The following BBX variants were observed in gnomAD, a reference collection of about 807,000 sequenced individuals.
The protein encoded by BBX is BBX high mobility group box domain containing, also known as HMG box transcription factor BBX.
Under a neutral mutation model 100.2 loss-of-function variants are expected in BBX, and 30 were observed. The observed-to-expected ratio is 0.30, with a 90% CI of 0.22 to 0.41. The LOEUF (loss-of-function observed/expected upper bound fraction) is 0.41. Among genes scored for constraint, BBX ranks in the 10% least tolerant of loss-of-function variants. The pLI is 1.00. For missense variants in BBX, 1,023 were observed against 1,129.8 expected (o/e 0.91, Z 1.35); for synonymous variants, 376 against 388.1 (o/e 0.97, Z 0.37).
At chr3:107,528,905 A>C (rs2047963060) in intron 2 of BBX, among the ~76,000 whole-genome samples, 1 of 152,212 alleles carries the variant, frequency 6.6e-6, no homozygotes, top group East Asian at 1.9e-4. Context: ...CTTACATTTC[A>C]TAAAGAACAT....
chr3:107,791,227 T>A lies in BBX; in HGVS notation c.2294-13T>A. 1 of 1,610,800 alleles carries A rather than the reference T, an allele frequency of 6.2e-7. No homozygotes were observed. The highest frequency in any genetic ancestry group is 8.5e-7 in the Non-Finnish European group (1 of 1,177,588). On this transcript the variant is annotated splice_polypyrimidine_tract_variant and intron_variant, in intron 14 of 17. Transcript: ENST00000325805. Reference sequence around the variant, plus strand: ...AGTTTCACTTTTCTTTCCTTTTCTGTCATTGTTTTTAGGAAGTGGGGATAA... The same window carrying A: ...AGTTTCACTTTTCTTTCCTTTTCTGACATTGTTTTTAGGAAGTGGGGATAA...
intron 15 of BBX, among the ~76,000 whole-genome samples, chr3:107,797,483 T>C (rs1343618645): frequency 6.6e-6 from 1 of 151,192 alleles, no homozygotes; most frequent in Non-Finnish European, 1.5e-5. Context: ...CAAAAATAAT[T>C]TCTATGTCTA....
At chr3:107,783,833 T>G (rs921425979) in intron 13 of BBX, among the ~76,000 whole-genome samples, 1 of 152,062 alleles carries the variant, frequency 6.6e-6, no homozygotes, top group Admixed American at 6.6e-5. Context: ...GTTGCTCACT[T>G]TTTCCCAAAG....
At chr3:107,659,078 A>G (rs973018124) in intron 3 of BBX, among the ~76,000 whole-genome samples, 2 of 151,950 alleles carry the variant, frequency 1.3e-5, no homozygotes, top group East Asian at 1.9e-4. Context: ...AAATAAATAT[A>G]TTGTCAAATG....
intron 3 of BBX, among the ~76,000 whole-genome samples, chr3:107,705,781 A>G (rs1040161199): frequency 6.6e-6 from 1 of 152,148 alleles, no homozygotes; most frequent in Non-Finnish European, 1.5e-5. Flanking sequence ...CTCACAGTAG[A>G]GCTATTATTA....
chr3:107,641,250 A>C (rs2057190510), intron 2 of BBX, among the ~76,000 whole-genome samples: 1 of 151,912 alleles, frequency 6.6e-6, no homozygotes, highest in Non-Finnish European at 1.5e-5. Flanking sequence ...ATACCCAGCT[A>C]CTTTTTGTAT....
At chr3:107,657,438 C>T (rs184995559) in intron 3 of BBX, among the ~76,000 whole-genome samples, 1 of 152,224 alleles carries the variant, frequency 6.6e-6, no homozygotes, top group African/African-American at 2.4e-5. Flanking sequence ...ATTTAGCTTT[C>T]ACTGTGTTTC....
chr3:107,554,275 C>T (rs2049916158), intron 2 of BBX, among the ~76,000 whole-genome samples: 1 of 152,150 alleles, frequency 6.6e-6, no homozygotes, highest in East Asian at 1.9e-4. Context: ...TTAAAAACCC[C>T]TTTTGGCTGT....
intron 5 of BBX, among the ~76,000 whole-genome samples, chr3:107,727,618 A>G (rs1474327073): frequency 6.6e-6 from 1 of 152,196 alleles, no homozygotes; most frequent in African/African-American, 2.4e-5. Context: ...AATGTGAAAT[A>G]ATTCTACACC....
intron 3 of BBX, among the ~76,000 whole-genome samples, chr3:107,677,786 A>C (rs1576298139): frequency 6.6e-6 from 1 of 152,316 alleles, no homozygotes; most frequent in East Asian, 1.9e-4. Flanking sequence ...ACAAGCTAAC[A>C]ATCTTATTCT....
chr3:107,544,970 T>G (rs564492955), intron 2 of BBX, among the ~76,000 whole-genome samples: 69 of 151,454 alleles, frequency 4.6e-4, no homozygotes, highest in African/African-American at 1.6e-3. Flanking sequence ...TGAGCCGAGA[T>G]CCGCCATTGT....
intron 13 of BBX, among the ~76,000 whole-genome samples, chr3:107,782,826 A>G (rs528834011): frequency 2.8e-4 from 43 of 152,158 alleles, no homozygotes; most frequent in Admixed American, 2.8e-3. Flanking sequence ...ACCAGCAATG[A>G]GTGATTTTTT....
chr3:107,636,701 C>T (rs2056870917), intron 2 of BBX, among the ~76,000 whole-genome samples: 1 of 152,152 alleles, frequency 6.6e-6, no homozygotes. Flanking sequence ...ACCCTTATGT[C>T]TACCAATGGA....
chr3:107,602,369 T>C (rs571601218), intron 2 of BBX, among the ~76,000 whole-genome samples: 4 of 152,172 alleles, frequency 2.6e-5, no homozygotes, highest in Non-Finnish European at 5.9e-5. Flanking sequence ...GATCTGGGCA[T>C]AGTCATTGAA....
At chr3:107,791,069 A>T (rs919251293) in intron 14 of BBX, among the ~76,000 whole-genome samples, 171 bp from the exon 15 acceptor site, 3 of 152,218 alleles carry the variant, frequency 2.0e-5, no homozygotes, top group African/African-American at 7.2e-5. Flanking sequence ...GTACAGCCTC[A>T]TTATTTTAGT....
At chr3:107,804,109 T>C (rs1036368239) in intron 17 of BBX, among the ~76,000 whole-genome samples, 3 of 152,214 alleles carry the variant, frequency 2.0e-5, no homozygotes, top group Non-Finnish European at 4.4e-5. Context: ...AATAGCTTAA[T>C]CCAGAGGTTT....
At chr3:107,632,869 C>G (rs1392435831) in intron 2 of BBX, among the ~76,000 whole-genome samples, 1 of 152,116 alleles carries the variant, frequency 6.6e-6, no homozygotes, top group East Asian at 1.9e-4. Flanking sequence ...GATAAAATCC[C>G]TTGTTAAATG....
intron 2 of BBX, among the ~76,000 whole-genome samples, chr3:107,645,407 A>G (rs2057457712): frequency 6.6e-6 from 1 of 152,168 alleles, no homozygotes; most frequent in Non-Finnish European, 1.5e-5. Context: ...GCAAATCATA[A>G]GTATTAATAT....
intron 2 of BBX, among the ~76,000 whole-genome samples, chr3:107,600,630 C>T (rs1400278693): frequency 1.3e-5 from 2 of 152,156 alleles, no homozygotes; most frequent in African/African-American, 4.8e-5. Context: ...GCTGTTATAA[C>T]CCAAGCTATT....
Sources: gnomAD v4.1 joint callset for allele counts (sites outside exome capture counted in the v4.1 genomes callset) on GRCh38, gnomAD v4.1.1 for gene constraint, MANE v1.5 for transcripts, NCBI Gene and HGNC (gene_info 2026-07-23, HGNC 2026-07-21) for gene names.